The following EXD3 variants were observed in gnomAD, a reference collection of about 807,000 sequenced individuals.
The protein encoded by EXD3 is exonuclease mut-7 homolog.
In EXD3, 92 loss-of-function variants were observed where a neutral mutation model predicts 98.0. The observed-to-expected ratio is 0.94, with a 90% CI of 0.79 to 1.12. The LOEUF (loss-of-function observed/expected upper bound fraction) is 1.12, where lower values mean the gene tolerates loss of function less well. Ranked by LOEUF, EXD3 falls within the 50% of genes most tolerant of loss-of-function variation. The probability of loss-of-function intolerance (pLI) is 0.00; values close to 1 mark genes in which losing one functional copy is unlikely to be tolerated. For missense variants in EXD3, 1,222 were observed against 1,191.6 expected (o/e 1.03, Z -0.38); for synonymous variants, 569 against 526.0 (o/e 1.08, Z -1.12).
intron 17 of EXD3, among the ~76,000 whole-genome samples, chr9:137,329,748 T>C (rs1264728466): frequency 6.2e-5 from 2 of 32,148 alleles, no homozygotes; most frequent in African/African-American, 2.9e-4. Context: ...CACACGGGAC[T>C]ACACGGGACT....
intron 3 of EXD3, among the ~76,000 whole-genome samples, chr9:137,380,862 A>G (rs982810319): frequency 2.0e-5 from 3 of 150,108 alleles, no homozygotes; most frequent in East Asian, 2.0e-4. Flanking sequence ...CATCTTGGGA[A>G]GCCGAGGCAG....
chr9:137,313,297 G>C (rs1319264772), intron 19 of EXD3, among the ~76,000 whole-genome samples: 2 of 152,134 alleles, frequency 1.3e-5, no homozygotes, highest in Non-Finnish European at 2.9e-5. Context: ...GACTGGGCCA[G>C]GTGTCTGCTG....
chr9:137,317,270 C>T (rs1033077330), intron 19 of EXD3, among the ~76,000 whole-genome samples: 5 of 152,146 alleles, frequency 3.3e-5, no homozygotes, highest in African/African-American at 1.2e-4. Context: ...CAGACCCTAC[C>T]TTGTCACCCT....
chr9:137,369,998 C>T (rs1032539466), intron 5 of EXD3, among the ~76,000 whole-genome samples: 3 of 152,188 alleles, frequency 2.0e-5, no homozygotes, highest in African/African-American at 4.8e-5. Flanking sequence ...GTACCCGGAG[C>T]CCAGTGGGGG....
chr9:137,400,115 C>G (rs1452344681), intron 1 of EXD3, among the ~76,000 whole-genome samples: 1 of 151,860 alleles, frequency 6.6e-6, no homozygotes, highest in Non-Finnish European at 1.5e-5. Flanking sequence ...GACTTACTCA[C>G]TATCAGAAGA....
At chr9:137,336,458 C>T (rs764129644) in intron 17 of EXD3, among the ~76,000 whole-genome samples, 3 of 152,044 alleles carry the variant, frequency 2.0e-5, no homozygotes, top group Non-Finnish European at 2.9e-5. Context: ...GTCAGGAGAT[C>T]GACACCAGCC....
chr9:137,312,529 T>A (rs1831419031), intron 19 of EXD3, among the ~76,000 whole-genome samples: 1 of 152,136 alleles, frequency 6.6e-6, no homozygotes, highest in South Asian at 2.1e-4. Flanking sequence ...GTCCTGGGGA[T>A]GTTGGGGCCC....
Position 137,356,345 on chromosome 9 carries a change from A to C in EXD3, c.680T>G (p.Leu227Trp). The change falls in exon 8 of 22, where the codon TTG (leucine) becomes TGG (tryptophan). Residue 227 changes from leucine to tryptophan, a missense_variant. Physicochemically the swap from Leu to Trp is moderately conservative, Grantham distance 61 (BLOSUM62 -2). Transcript: ENST00000340951. ...VARRYPEVTSLSLEKLSPKAL... is the reference protein window; with the variant it reads ...VARRYPEVTSWSLEKLSPKAL... ...CTTCGGACTCAGCTTCTCCAGGCTC[A>C]AGGAGGTCACCTCAGGGTACCGTCT... 6.2e-7 allele frequency: 1 copy of C among 1,603,520 alleles called. No homozygotes were observed. The highest frequency in any genetic ancestry group is 1.1e-5 in the South Asian group (1 of 89,064).
At chr9:137,368,062 C>T (rs1835363184) in intron 5 of EXD3, 73 bp from the exon 6 acceptor site, 3 of 1,285,720 alleles carry the variant, frequency 2.3e-6, no homozygotes, top group African/African-American at 2.9e-5. Flanking sequence ...GAGGGGGCTA[C>T]CACCCTTTTG....
intron 2 of EXD3, chr9:137,392,677 G>C (rs1836984128): frequency 2.9e-6 from 1 of 343,494 alleles, no homozygotes; most frequent in East Asian, 7.5e-5. Context: ...GCGCCAGGCT[G>C]TTCCAGGGGG....
chr9:137,355,825 G>A (rs1384909833), intron 8 of EXD3, among the ~76,000 whole-genome samples: 1 of 152,110 alleles, frequency 6.6e-6, no homozygotes, highest in African/African-American at 2.4e-5. Context: ...CCATGGAAGG[G>A]GCCTCAGTGC....
rs754818375 is a variant in EXD3, at chr9:137,356,235, C to T, written c.757+33G>A. Reference sequence around the variant, plus strand: ...GGCCACGCTTGGCGGCTCTCCCTGGCCTGTGGGGCAGGAATGTGGGGGCTG... The same window carrying T: ...GGCCACGCTTGGCGGCTCTCCCTGGTCTGTGGGGCAGGAATGTGGGGGCTG... On this transcript the variant is annotated intron_variant, in intron 8 of 21. Coordinates refer to ENST00000340951, the MANE Select transcript of EXD3 (RefSeq NM_017820.5). 16 of 1,517,424 alleles carry T rather than the reference C, an allele frequency of 1.1e-5. No homozygotes were observed. The African/African-American group carries it at 2.2e-4, about 21-fold the overall frequency. The allele number at this position is 1,517,424 out of a possible 1,614,324, so 94.0% of individuals were successfully genotyped here. A position where few individuals can be genotyped will look rare whatever the true frequency, so the allele number is the denominator to read the frequency against.
intron 19 of EXD3, among the ~76,000 whole-genome samples, chr9:137,322,140 A>G (rs1428587452): frequency 6.6e-6 from 1 of 152,180 alleles, no homozygotes; most frequent in Non-Finnish European, 1.5e-5. Context: ...GTCACCAAGC[A>G]GACGCAGGCT....
intron 16 of EXD3, among the ~76,000 whole-genome samples, chr9:137,348,540 G>GGAAGGTGCTAGATAGA (rs1834060354): frequency 7.6e-6 from 1 of 130,856 alleles, no homozygotes; most frequent in Non-Finnish European, 1.7e-5. Context: ...GGGATCACAA[G>GGAAGGTGCTAGATAGA]GAGGGGGTTA....
intron 2 of EXD3, among the ~76,000 whole-genome samples, chr9:137,387,647 C>CA (rs1306562698): frequency 7.2e-5 from 11 of 152,206 alleles, no homozygotes; most frequent in African/African-American, 2.7e-4. Flanking sequence ...CACAGCACCC[C>CA]ACGCACCCCA....
At chr9:137,314,098 C>T (rs1355764018) in intron 19 of EXD3, among the ~76,000 whole-genome samples, 7 of 152,186 alleles carry the variant, frequency 4.6e-5, no homozygotes, top group African/African-American at 7.2e-5. Flanking sequence ...GCCGCCCAAC[C>T]GATGGTGGGG....
At position 137,407,670 on chromosome 9, in the gene EXD3, AC is replaced by A. The variant is rs927766338; in HGVS notation, c.-47-12267del. On this transcript the variant is annotated intron_variant, in intron 1 of 21. Coordinates refer to ENST00000340951, the MANE Select transcript of EXD3 (RefSeq NM_017820.5). The surrounding 1 kb of genome is among the most constrained non-coding windows in gnomAD (Gnocchi z 4.4). ...CCCCCAGACACACCCACGGCCGTCC[AC>A]CATCCAAGCATAAACCCCAACGCAG... Among the ~76,000 whole-genome samples the A allele has an allele frequency of 2.0e-5, 3 of 152,182 alleles. No individual in the cohort carries two copies. Among genetic ancestry groups the A allele is most frequent in the Admixed American group, 6.5e-5 (1 of 15,282 alleles).
In EXD3 at chr9:137,373,032, T is replaced by C. The variant is rs765859038; in HGVS notation, c.335A>G (p.Lys112Arg). 4 of 1,602,370 alleles carry C rather than the reference T, an allele frequency of 2.5e-6. No individual in the cohort carries two copies. The highest frequency in any genetic ancestry group is 2.2e-5 in the South Asian group (2 of 90,410). The change falls in exon 5 of 22, where the codon AAA becomes AGA. Residue 112 changes from lysine to arginine, a missense_variant. By Grantham distance (26) the Lys-to-Arg change is conservative (BLOSUM62 2). Coordinates refer to ENST00000340951, the MANE Select transcript of EXD3 (RefSeq NM_017820.5). ...RLKQLQARAV[K>R]VLTESPPSLA... ...GCTGGGGGGGCTCTCAGTGAGGACT[T>C]TGACCGCTCGGGCCTGCAGCTGCTT...
At chr9:137,384,032 T>G (rs920894198) in intron 2 of EXD3, among the ~76,000 whole-genome samples, 1 of 151,824 alleles carries the variant, frequency 6.6e-6, no homozygotes, top group Non-Finnish European at 1.5e-5. Flanking sequence ...GGTCATGTGG[T>G]AGGGTCAGGG....
Sources: gnomAD v4.1 joint callset for allele counts (sites outside exome capture counted in the v4.1 genomes callset) on GRCh38, gnomAD v4.1.1 for gene constraint, Gnocchi (gnomAD v3.1) non-coding constraint, MANE v1.5 for transcripts, NCBI Gene and HGNC (gene_info 2026-07-23, HGNC 2026-07-21) for gene names.